The following CNTNAP2 variants were observed in gnomAD, a reference collection of about 807,000 sequenced individuals.
CNTNAP2 encodes contactin associated protein 2, also known as contactin-associated protein-like 2.
Under a neutral mutation model 155.2 loss-of-function variants are expected in CNTNAP2, and 98 were observed. The ratio of observed to expected loss-of-function variants is 0.63; its 90% CI spans 0.54 to 0.75. The LOEUF (loss-of-function observed/expected upper bound fraction) is 0.75, where lower values mean the gene tolerates loss of function less well. CNTNAP2 is among the 30% of genes least tolerant of loss of function. The probability of loss-of-function intolerance (pLI) is 0.00; values close to 1 mark genes in which losing one functional copy is unlikely to be tolerated. For synonymous variants in CNTNAP2, 651 were observed against 631.2 expected, an observed-to-expected ratio of 1.03 and a Z score of -0.47; for missense variants, 1,727 against 1,688.1, an observed-to-expected ratio of 1.02 and a Z score of -0.40.
chr7:146,770,767 TCTAAA>T (rs1802280884), intron 1 of CNTNAP2, among the ~76,000 whole-genome samples: 2 of 152,174 alleles, frequency 1.3e-5, no homozygotes, highest in Admixed American at 6.5e-5. Flanking sequence ...ATGTAATAAC[TCTAAA>T]CTATATTATG....
At chr7:146,762,532 G>A (rs1229168395) in intron 1 of CNTNAP2, among the ~76,000 whole-genome samples, 1 of 152,148 alleles carries the variant, frequency 6.6e-6, no homozygotes, top group Non-Finnish European at 1.5e-5. Flanking sequence ...CCAGGAAACA[G>A]AGGTTGCAGT....
intron 13 of CNTNAP2, among the ~76,000 whole-genome samples, chr7:147,680,669 C>A (rs1391299624): frequency 6.6e-6 from 1 of 151,770 alleles, no homozygotes; most frequent in African/African-American, 2.4e-5. Flanking sequence ...TAAATATCAG[C>A]CATGGACTTT....
intron 13 of CNTNAP2, among the ~76,000 whole-genome samples, chr7:147,810,097 A>G (rs995583693): frequency 2.0e-5 from 3 of 152,188 alleles, no homozygotes; most frequent in Non-Finnish European, 4.4e-5. Context: ...TCTTGTAAGT[A>G]CTTTGTATGG....
At chr7:147,444,680 C>G (rs1320890948) in intron 10 of CNTNAP2, among the ~76,000 whole-genome samples, 1 of 151,960 alleles carries the variant, frequency 6.6e-6, no homozygotes, top group African/African-American at 2.4e-5. Flanking sequence ...CCAAAAAACT[C>G]CATGCCAATG....
At chr7:146,899,061 TA>T (rs1178441403) in intron 3 of CNTNAP2, among the ~76,000 whole-genome samples, 4 of 152,166 alleles carry the variant, frequency 2.6e-5, no homozygotes, top group Admixed American at 6.5e-5. Context: ...TTTCTTAAAA[TA>T]GCCTCTTTAG....
intron 1 of CNTNAP2, among the ~76,000 whole-genome samples, chr7:146,547,063 G>A (rs1383814140): frequency 2.0e-5 from 3 of 151,118 alleles, no homozygotes; most frequent in Non-Finnish European, 3.0e-5. Context: ...TTTCAGCCAC[G>A]GTGTAAGTTC....
chr7:146,658,344 G>A lies in CNTNAP2; in HGVS notation c.98-115927G>A, dbSNP rs550995745. 2.6e-5 allele frequency among the ~76,000 whole-genome samples: 4 copies of A among 151,394 alleles called. No homozygotes were observed. In the South Asian group the frequency reaches 6.3e-4, roughly 24 times the overall value. On this transcript the variant is annotated intron_variant, in intron 1 of 23. Transcript: ENST00000361727. ...TAAGTTATAGTGCTGGTGTTTGAAC[G>A]GAGTTTTAATATGAGTTTTGCCTGT...
At chr7:146,988,519 G>C (rs936971529) in intron 3 of CNTNAP2, among the ~76,000 whole-genome samples, 5 of 152,034 alleles carry the variant, frequency 3.3e-5, no homozygotes, top group African/African-American at 1.2e-4. Flanking sequence ...GGTATGATTC[G>C]AGATTTCACT....
intron 1 of CNTNAP2, among the ~76,000 whole-genome samples, chr7:146,125,296 G>A (rs762235761): frequency 1.3e-5 from 2 of 152,022 alleles, no homozygotes; most frequent in Non-Finnish European, 2.9e-5. Flanking sequence ...AACTATTTTG[G>A]CCAGGTGCGG....
rs1424970685 is a variant in CNTNAP2 at position 146,231,728 on chromosome 7, T to G, written c.97+114755T>G. On this transcript the variant is annotated intron_variant, in intron 1 of 23. Coordinates refer to ENST00000361727, the MANE Select transcript of CNTNAP2 (RefSeq NM_014141.6). ...TACATACAGACCAGTCTATAATTGCTCTGATGAAGTGCATCCGGGAATAGG... is the reference window on the plus strand; with the variant it reads ...TACATACAGACCAGTCTATAATTGCGCTGATGAAGTGCATCCGGGAATAGG... 2.0e-5 allele frequency among the ~76,000 whole-genome samples: 3 copies of G among 152,272 alleles called. No homozygotes were observed. The East Asian group carries it at 5.8e-4, about 29-fold the overall frequency.
chr7:147,398,074 G>A lies in CNTNAP2; in HGVS notation c.1670+2294G>A, dbSNP rs117398039. ...CAGTTCAAAATCTTAAGCATGAAGT[G>A]TTGTACTTTCATAGGTATGAGACAG... is the stretch of plus-strand genomic sequence containing the variant. On this transcript the variant is annotated intron_variant, in intron 10 of 23. Transcript: ENST00000361727. Among the ~76,000 whole-genome samples, 1,070 of 152,152 alleles carry A rather than the reference G, an allele frequency of 7.0e-3. 28 individuals carry two copies. Among genetic ancestry groups the A allele is most frequent in the Non-Finnish European group, 5.9e-3 (402 of 67,996 alleles).
At chr7:146,352,748 C>CTTTTT (rs1201897985) in intron 1 of CNTNAP2, among the ~76,000 whole-genome samples, 21 of 66,186 alleles carry the variant, frequency 3.2e-4, no homozygotes, top group Non-Finnish European at 4.2e-4. Context: ...TAGCATAATT[C>CTTTTT]TGTTTTTTTT....
chr7:148,407,446 G>A (rs1201911521), intron 22 of CNTNAP2, among the ~76,000 whole-genome samples: 2 of 152,168 alleles, frequency 1.3e-5, no homozygotes, highest in African/African-American at 4.8e-5. Flanking sequence ...GCTCACACCT[G>A]TAATCCCAGC....
intron 8 of CNTNAP2, among the ~76,000 whole-genome samples, chr7:147,172,692 G>A (rs1315216950): frequency 6.6e-6 from 1 of 151,990 alleles, no homozygotes; most frequent in Admixed American, 6.6e-5. Context: ...TTTTTCAGTT[G>A]AAAAATTGAG....
At chr7:147,441,402 A>C (rs1382402485) in intron 10 of CNTNAP2, among the ~76,000 whole-genome samples, 1 of 152,022 alleles carries the variant, frequency 6.6e-6, no homozygotes, top group Non-Finnish European at 1.5e-5. Flanking sequence ...CAAAACGGCT[A>C]TTTGTGAATT....
At chr7:147,586,313 G>A (rs1261765959) in intron 12 of CNTNAP2, among the ~76,000 whole-genome samples, 1 of 150,252 alleles carries the variant, frequency 6.7e-6, no homozygotes, top group East Asian at 2.0e-4. Flanking sequence ...CTGTGTTGAT[G>A]TTAATGCTGG....
chr7:146,935,678 A>G (rs922234817), intron 3 of CNTNAP2, among the ~76,000 whole-genome samples: 4 of 152,204 alleles, frequency 2.6e-5, no homozygotes, highest in African/African-American at 4.8e-5. Flanking sequence ...AAATAATCGA[A>G]TTGCTTTAGA....
intron 8 of CNTNAP2, among the ~76,000 whole-genome samples, chr7:147,268,997 C>G (rs185176355): frequency 1.3e-5 from 2 of 152,114 alleles, no homozygotes; most frequent in Non-Finnish European, 1.5e-5. Context: ...CTTGGATGCT[C>G]GAGTCTCTAA....
chr7:148,156,393 C>T (rs1805398559), intron 17 of CNTNAP2, among the ~76,000 whole-genome samples: 1 of 152,082 alleles, frequency 6.6e-6, no homozygotes, highest in Admixed American at 6.6e-5. Context: ...ACTTTCTTCC[C>T]ACAGATTCCA....
Sources: gnomAD v4.1 joint callset for allele counts (sites outside exome capture counted in the v4.1 genomes callset) on GRCh38, gnomAD v4.1.1 for gene constraint, MANE v1.5 for transcripts, NCBI Gene and HGNC (gene_info 2026-07-23, HGNC 2026-07-21) for gene names.